The following ARHGAP24 variants were observed in gnomAD, a reference collection of about 807,000 sequenced individuals.
ARHGAP24 encodes rho GTPase-activating protein 24.
ARHGAP24 carries 50 observed loss-of-function variants against 76.4 expected under a neutral mutation model. The observed-to-expected ratio is 0.65, with a 90% CI of 0.52 to 0.83. The LOEUF (loss-of-function observed/expected upper bound fraction) is 0.83. Ranked by LOEUF, ARHGAP24 falls within the 40% of genes least tolerant of loss-of-function variation. The probability of loss-of-function intolerance (pLI) is 0.00; values close to 1 mark genes in which losing one functional copy is unlikely to be tolerated. For synonymous variants in ARHGAP24, 345 were observed against 323.3 expected (o/e 1.07, Z -0.72); for missense variants, 930 against 914.2 (o/e 1.02, Z -0.22).
chr4:85,908,038 G>T (rs556966764), intron 3 of ARHGAP24, among the ~76,000 whole-genome samples: 1 of 152,136 alleles, frequency 6.6e-6, no homozygotes, highest in African/African-American at 2.4e-5. Context: ...ACTTGAAAAA[G>T]CTACACTGCA....
chr4:85,701,473 TG>T (rs1724085041), intron 2 of ARHGAP24, among the ~76,000 whole-genome samples: 2 of 152,314 alleles, frequency 1.3e-5, no homozygotes, highest in South Asian at 2.1e-4. Flanking sequence ...CATCTTGTTT[TG>T]TTTTTGTTAT....
At chr4:85,509,044 C>G (rs1360465020) in intron 1 of ARHGAP24, among the ~76,000 whole-genome samples, 2 of 151,792 alleles carry the variant, frequency 1.3e-5, no homozygotes, top group African/African-American at 4.8e-5. Flanking sequence ...CTAGCTATGC[C>G]ATGGATTTAC....
intron 4 of ARHGAP24, among the ~76,000 whole-genome samples, chr4:85,925,048 C>A (rs576509897): frequency 2.0e-5 from 3 of 152,168 alleles, no homozygotes; most frequent in Non-Finnish European, 4.4e-5. Context: ...TTTGAAAACA[C>A]CAGCTGAATC....
chr4:85,626,236 T>G (rs558504263), intron 2 of ARHGAP24, among the ~76,000 whole-genome samples: 315 of 152,322 alleles, frequency 2.1e-3, no homozygotes, highest in Non-Finnish European at 4.0e-3. Context: ...GTTTAGTGCT[T>G]CCTTCAGGAG....
intron 3 of ARHGAP24, among the ~76,000 whole-genome samples, chr4:85,811,790 T>C (rs1313014226): frequency 7.9e-5 from 12 of 152,236 alleles, no homozygotes; most frequent in Non-Finnish European, 4.4e-5. Context: ...AGCATCTTTT[T>C]TAAACAAAGT....
At chr4:85,590,378 G>C (rs1728043387) in intron 2 of ARHGAP24, among the ~76,000 whole-genome samples, 1 of 134,342 alleles carries the variant, frequency 7.4e-6, no homozygotes, top group Admixed American at 8.1e-5. Flanking sequence ...TTTATTTTTT[G>C]AGATGGAGTC....
chr4:85,926,216 A>C (rs1301583969), intron 4 of ARHGAP24, among the ~76,000 whole-genome samples: 1 of 152,178 alleles, frequency 6.6e-6, no homozygotes, highest in African/African-American at 2.4e-5. Context: ...TTGGTCTATA[A>C]ACTTTATTAT....
chr4:85,894,096 T>TAAA (rs139310412), intron 3 of ARHGAP24, among the ~76,000 whole-genome samples: 1,416 of 53,866 alleles, frequency 0.026, 17 homozygotes, highest in East Asian at 0.14. Context: ...ACTTAGAGTA[T>TAAA]AATAAAAAAA....
chr4:85,929,400 G>C (rs1342075318), intron 4 of ARHGAP24, among the ~76,000 whole-genome samples: 3 of 152,162 alleles, frequency 2.0e-5, no homozygotes, highest in African/African-American at 4.8e-5. Context: ...CTGCCAAATG[G>C]CTGGGAAGGA....
rs145429922 is a variant in ARHGAP24, at chr4:85,895,001, C to T, written c.269-28647C>T. Among the ~76,000 whole-genome samples, 6 of 54,336 alleles carry T rather than the reference C, an allele frequency of 1.1e-4. 1 individual carries two copies. The highest frequency in any genetic ancestry group is 5.0e-4 in the African/African-American group (6 of 12,046). The allele number at this position is 54,336 out of a possible 152,430, so 35.6% of individuals were successfully genotyped here. ...AAAAAAAAAAAAACAAAACAAAAAG[C>T]AAAAAAAAAAAAAAAAAAAAGAAAA... On this transcript the variant is annotated intron_variant, in intron 3 of 9. Transcript: ENST00000395184.
intron 4 of ARHGAP24, among the ~76,000 whole-genome samples, chr4:85,938,608 G>A (rs1736784421): frequency 6.6e-6 from 1 of 152,068 alleles, no homozygotes; most frequent in Admixed American, 6.5e-5. Flanking sequence ...CTACAGAATG[G>A]GGAGTACACG....
At chr4:85,966,424 T>G (rs1476292914) in intron 5 of ARHGAP24, among the ~76,000 whole-genome samples, 1 of 152,162 alleles carries the variant, frequency 6.6e-6, no homozygotes, top group African/African-American at 2.4e-5. Context: ...GGTGAAACAG[T>G]CCTTTGGTTT....
intron 2 of ARHGAP24, among the ~76,000 whole-genome samples, chr4:85,658,772 G>A (rs900869727): frequency 6.6e-6 from 1 of 152,204 alleles, no homozygotes; most frequent in East Asian, 1.9e-4. Context: ...TTGATAGTAT[G>A]TCTGGCTGGT....
At chr4:85,934,277 G>T (rs1369442301) in intron 4 of ARHGAP24, among the ~76,000 whole-genome samples, 1 of 152,122 alleles carries the variant, frequency 6.6e-6, no homozygotes, top group Non-Finnish European at 1.5e-5. Flanking sequence ...CAATTCCCTG[G>T]AGTATAAGCC....
chr4:85,572,874 CTTTTTT>C (rs775780758), intron 2 of ARHGAP24, among the ~76,000 whole-genome samples: 1 of 124,296 alleles, frequency 8.0e-6, no homozygotes. Context: ...TTTTTTCTTT[CTTTTTT>C]TTTTTTTTTT....
chr4:85,765,478 T>C (rs1483707992), intron 3 of ARHGAP24, among the ~76,000 whole-genome samples: 1 of 151,900 alleles, frequency 6.6e-6, no homozygotes, highest in Non-Finnish European at 1.5e-5. Context: ...ATTTTGGGGG[T>C]GATATGGAAA....
rs73833408 is a variant in ARHGAP24, at chr4:85,736,615, G to A, written c.268+14643G>A. ...TTTATCATCCAATAAACATCAAGTA[G>A]AGGTGGAATTCTGCTGAACACTCAA... is the stretch of plus-strand genomic sequence containing the variant. On this transcript the variant is annotated intron_variant, in intron 3 of 9. Coordinates refer to ENST00000395184, the MANE Select transcript of ARHGAP24 (RefSeq NM_001025616.3). Among the ~76,000 whole-genome samples, 1,518 of 152,282 alleles carry A rather than the reference G, an allele frequency of 1.0e-2. 25 individuals are homozygous for A. Among genetic ancestry groups the A allele is most frequent in the African/African-American group, 0.034 (1,415 of 41,550 alleles).
chr4:85,491,625 G>T (rs961802112), intron 1 of ARHGAP24, among the ~76,000 whole-genome samples: 1 of 152,174 alleles, frequency 6.6e-6, no homozygotes, highest in African/African-American at 2.4e-5. Context: ...TGTGCACTAG[G>T]TACTTCCTGG....
chr4:85,803,695 C>T (rs1728671134), intron 3 of ARHGAP24, among the ~76,000 whole-genome samples: 2 of 152,120 alleles, frequency 1.3e-5, no homozygotes, highest in South Asian at 4.1e-4. Flanking sequence ...CAGTTCACAC[C>T]TTCTTTTCCA....
Sources: gnomAD v4.1 joint callset for allele counts (sites outside exome capture counted in the v4.1 genomes callset) on GRCh38, gnomAD v4.1.1 for gene constraint, MANE v1.5 for transcripts, NCBI Gene and HGNC (gene_info 2026-07-23, HGNC 2026-07-21) for gene names.